Variants in TAFA4 observed in about 807,000 individuals in gnomAD.
TAFA4 encodes chemokine-like protein TAFA-4.
TAFA4 carries 20 observed loss-of-function variants against 21.1 expected under a neutral mutation model. The observed-to-expected ratio is 0.95, with a 90% CI of 0.67 to 1.38. The LOEUF (loss-of-function observed/expected upper bound fraction) is 1.38, where lower values mean the gene tolerates loss of function less well. TAFA4 is among the 40% of genes most tolerant of loss of function. The pLI, the probability that TAFA4 is intolerant of heterozygous loss-of-function variation, is 0.00. For synonymous variants in TAFA4, 71 were observed against 67.4 expected (o/e 1.05, Z -0.26); for missense variants, 211 against 180.9 (o/e 1.17, Z -0.95).
In TAFA4 at chr3:68,929,500, G is replaced by A. The variant is rs573532552; in HGVS notation, c.-123+2740C>T. On this transcript the variant is annotated intron_variant, in intron 1 of 5. Coordinates refer to ENST00000295569, the MANE Select transcript of TAFA4 (RefSeq NM_182522.5). The stretch of plus-strand genomic sequence containing the variant: ...GACTTTAAGTCATCTTGCTAATCCT[G>A]AGTGATTTAATAGCCAACACCTGAA... Among the ~76,000 whole-genome samples the A allele has an allele frequency of 2.0e-5, 3 of 152,312 alleles. No homozygotes were observed. The East Asian group carries it at 5.8e-4, about 29-fold the overall frequency.
At chr3:68,927,248 G>A (rs1308471193) in intron 1 of TAFA4, among the ~76,000 whole-genome samples, 1 of 152,216 alleles carries the variant, frequency 6.6e-6, no homozygotes, top group Non-Finnish European at 1.5e-5. Context: ...TAACTACAGT[G>A]TACTGCAGAC....
intron 3 of TAFA4, among the ~76,000 whole-genome samples, chr3:68,783,257 G>A (rs141988113): frequency 6.4e-4 from 97 of 152,202 alleles, no homozygotes; most frequent in African/African-American, 2.2e-3. Context: ...ATTCAACATT[G>A]AACTAGAGGT....
chr3:68,818,072 T>C (rs977700720), intron 3 of TAFA4, among the ~76,000 whole-genome samples: 3 of 152,226 alleles, frequency 2.0e-5, no homozygotes, highest in East Asian at 3.8e-4. Flanking sequence ...TGAAAATCTA[T>C]TGTGTAGCGT....
At chr3:68,883,625 G>C (rs1185941147) in intron 2 of TAFA4, among the ~76,000 whole-genome samples, 1 of 152,142 alleles carries the variant, frequency 6.6e-6, no homozygotes, top group Non-Finnish European at 1.5e-5. Context: ...CTAATACAAA[G>C]AGAAAGAGTT....
intron 3 of TAFA4, among the ~76,000 whole-genome samples, chr3:68,805,770 A>G (rs974233187): frequency 6.6e-6 from 1 of 151,746 alleles, no homozygotes; most frequent in East Asian, 1.9e-4. Flanking sequence ...ACACATGGAC[A>G]CAGGAAGGGG....
chr3:68,783,669 C>CAGAGAGAG (rs1413204711), intron 3 of TAFA4, among the ~76,000 whole-genome samples: 30 of 106,638 alleles, frequency 2.8e-4, no homozygotes, highest in Admixed American at 1.0e-3. Flanking sequence ...CAGACACACA[C>CAGAGAGAG]ACACAGAGAG....
chr3:68,740,110 G>C (rs768875170), intron 4 of TAFA4, among the ~76,000 whole-genome samples: 3 of 152,094 alleles, frequency 2.0e-5, no homozygotes, highest in African/African-American at 7.2e-5. Context: ...ACTAGTTCTC[G>C]GACTTCTCTT....
chr3:68,753,000 T>G lies in TAFA4; in HGVS notation c.149A>C (p.Gln50Pro). Residue 50 changes from glutamine to proline, a missense_variant, in exon 4 of 6, where the codon CAA (glutamine) becomes CCA (proline). Transcript: ENST00000295569. ...CACGGCGACCACCTCACAGGTCCCT[T>G]GCTTGATTTGGTGGTGACCTAGTTG... ...RGHAGHHQIK[Q>P]GTCEVVAVHR... 6.2e-7 allele frequency: 1 copy of G among 1,613,744 alleles called. No homozygotes were observed. The highest frequency in any genetic ancestry group is 8.5e-7 in the Non-Finnish European group (1 of 1,179,846).
intron 3 of TAFA4, among the ~76,000 whole-genome samples, chr3:68,788,455 A>G (rs1470876271): frequency 1.3e-5 from 2 of 152,220 alleles, no homozygotes; most frequent in African/African-American, 4.8e-5. Flanking sequence ...TTTGCTGTGC[A>G]GAAACTTTTA....
At chr3:68,887,066 C>T (rs1189929123) in intron 1 of TAFA4, among the ~76,000 whole-genome samples, 1 of 152,152 alleles carries the variant, frequency 6.6e-6, no homozygotes, top group East Asian at 1.9e-4. Context: ...AAGATTCATC[C>T]CACCTCAAAT....
chr3:68,813,570 A>T (rs1265444739), intron 3 of TAFA4, among the ~76,000 whole-genome samples: 1 of 152,254 alleles, frequency 6.6e-6, no homozygotes, highest in Admixed American at 6.5e-5. Flanking sequence ...ATCTAGAAGA[A>T]ATGGATAAAT....
intron 3 of TAFA4, among the ~76,000 whole-genome samples, chr3:68,755,163 A>C (rs2106756636): frequency 6.6e-6 from 1 of 152,240 alleles, no homozygotes; most frequent in Non-Finnish European, 1.5e-5. Flanking sequence ...ACAACTCTCT[A>C]TTTATATCTC....
chr3:68,740,260 C>G (rs1702325372), intron 4 of TAFA4, among the ~76,000 whole-genome samples: 1 of 152,224 alleles, frequency 6.6e-6, no homozygotes, highest in African/African-American at 2.4e-5. Flanking sequence ...ATATGGTCAT[C>G]ATCTTTGATT....
At chr3:68,737,502 G>A (rs999807166) in intron 5 of TAFA4, among the ~76,000 whole-genome samples, 6 of 152,058 alleles carry the variant, frequency 3.9e-5, no homozygotes, top group East Asian at 3.9e-4. Flanking sequence ...GTTGACAACC[G>A]CAATTCACGT....
At position 68,817,868 on chromosome 3, in the gene TAFA4, T is replaced by A. The variant is rs563694548; in HGVS notation, c.130+62862A>T. ...GGCTCTACTCATAGGCAGAGTAGAC[T>A]TAGCATAACTCTGAGGGCCCTAGGA... On this transcript the variant is annotated intron_variant, in intron 3 of 5. Transcript: ENST00000295569. Among the ~76,000 whole-genome samples, 31 of 152,258 alleles carry A rather than the reference T, an allele frequency of 2.0e-4. 1 individual carries two copies. Among genetic ancestry groups the A allele is most frequent in the African/African-American group, 6.3e-4 (26 of 41,568 alleles).
intron 3 of TAFA4, among the ~76,000 whole-genome samples, chr3:68,880,178 C>T (rs2089599824): frequency 6.6e-6 from 1 of 151,994 alleles, no homozygotes; most frequent in Non-Finnish European, 1.5e-5. Flanking sequence ...GAATGACTGC[C>T]TCTAAATCTT....
chr3:68,842,258 A>AC (rs1179865209), intron 3 of TAFA4, among the ~76,000 whole-genome samples: 1 of 152,182 alleles, frequency 6.6e-6, no homozygotes, highest in Admixed American at 6.5e-5. Flanking sequence ...AGGAGATGGT[A>AC]CCTCACTGCG....
intron 3 of TAFA4, among the ~76,000 whole-genome samples, chr3:68,845,088 G>T (rs773423831): frequency 6.6e-5 from 10 of 151,100 alleles, no homozygotes; most frequent in Non-Finnish European, 1.3e-4. Flanking sequence ...ATGTTGTCTC[G>T]TTAATCTAAA....
chr3:68,797,296 C>T (rs970676212), intron 3 of TAFA4, among the ~76,000 whole-genome samples: 1 of 152,076 alleles, frequency 6.6e-6, no homozygotes, highest in African/African-American at 2.4e-5. Flanking sequence ...TATGTACATA[C>T]ACTGGAATGT....
Sources: gnomAD v4.1 joint callset for allele counts (sites outside exome capture counted in the v4.1 genomes callset) on GRCh38, gnomAD v4.1.1 for gene constraint, MANE v1.5 for transcripts, NCBI Gene and HGNC (gene_info 2026-07-23, HGNC 2026-07-21) for gene names.